Variants in CASR observed in about 807,000 individuals in gnomAD.
CASR encodes calcium sensing receptor.
Under a neutral mutation model 69.1 loss-of-function variants are expected in CASR, and 23 were observed. The observed-to-expected ratio is 0.33, with a 90% CI of 0.24 to 0.47. The LOEUF (loss-of-function observed/expected upper bound fraction) is 0.47, where lower values mean the gene tolerates loss of function less well. CASR is among the 20% of genes least tolerant of loss of function. The probability of loss-of-function intolerance (pLI) is 1.00; values close to 1 mark genes in which losing one functional copy is unlikely to be tolerated. For synonymous variants in CASR, 541 were observed against 544.7 expected (o/e 0.99, Z 0.10); for missense variants, 924 against 1,356.1 (o/e 0.68, Z 5.00).
chr3:122,225,776 A>T (rs2074216917), intron 1 of CASR, among the ~76,000 whole-genome samples: 1 of 152,234 alleles, frequency 6.6e-6, no homozygotes, highest in South Asian at 2.1e-4. Context: ...ATGCACTCAT[A>T]TGTTCATTGC....
intron 5 of CASR, among the ~76,000 whole-genome samples, chr3:122,281,177 T>C (rs1159856903): frequency 1.3e-5 from 2 of 152,158 alleles, no homozygotes; most frequent in Non-Finnish European, 2.9e-5. Context: ...GTTTTGTTTA[T>C]TTGTTTTGTT....
intron 4 of CASR, among the ~76,000 whole-genome samples, chr3:122,264,109 G>GA (rs35559285): frequency 0.63 from 92,075 of 145,636 alleles, 29,586 homozygotes; most frequent in Admixed American, 0.72. Flanking sequence ...GGACCTGTGA[G>GA]AAAAAAAAAA....
At chr3:122,229,571 A>G (rs2074260532) in intron 1 of CASR, among the ~76,000 whole-genome samples, 1 of 152,270 alleles carries the variant, frequency 6.6e-6, no homozygotes, top group South Asian at 2.1e-4. Flanking sequence ...ATTAGAAGTA[A>G]GAAGCCTCAG....
At chr3:122,244,418 A>C (rs2074407533) in intron 1 of CASR, among the ~76,000 whole-genome samples, 1 of 149,244 alleles carries the variant, frequency 6.7e-6, no homozygotes. Context: ...AACGTGTGGT[A>C]GAATCATAGG....
At chr3:122,204,364 T>C (rs1292337581) in intron 1 of CASR, among the ~76,000 whole-genome samples, 5 of 152,192 alleles carry the variant, frequency 3.3e-5, no homozygotes, top group Non-Finnish European at 1.5e-5. Flanking sequence ...TTTTACTTAC[T>C]ATAATGATCT....
At chr3:122,237,543 C>T (rs192849644) in intron 1 of CASR, among the ~76,000 whole-genome samples, 22 of 152,272 alleles carry the variant, frequency 1.4e-4, no homozygotes, top group Admixed American at 3.9e-4. Flanking sequence ...GACATATTCA[C>T]GCAGTGGAAT....
Position 122,290,741 on chromosome 3 carries a change from T to TA in CASR, c.*5551dup. The stretch of plus-strand genomic sequence containing the variant: ...AAATTTTTCTTTATTCTTTTTTTTT[T>TA]ATTATACTTTAAGTTTTAGGGTACA... On this transcript the variant is annotated 3_prime_UTR_variant, in exon 7 of 7. Coordinates refer to ENST00000639785, the MANE Select transcript of CASR (RefSeq NM_000388.4). The TA allele has an allele frequency of 6.6e-6, 1 of 152,236 alleles. No individual in the cohort carries two copies. The highest frequency in any genetic ancestry group is 1.9e-4 in the East Asian group (1 of 5,190). The allele number at this position is 152,236 out of a possible 1,614,324, so 9.4% of individuals were successfully genotyped here.
At chr3:122,185,491 G>A (rs2073769808) in intron 1 of CASR, among the ~76,000 whole-genome samples, 1 of 152,214 alleles carries the variant, frequency 6.6e-6, no homozygotes, top group South Asian at 2.1e-4. Context: ...GCACATTGGG[G>A]AAGAGTCCAT....
chr3:122,250,840 T>C (rs917725877), intron 1 of CASR, among the ~76,000 whole-genome samples: 3 of 152,242 alleles, frequency 2.0e-5, no homozygotes, highest in African/African-American at 4.8e-5. Context: ...AAGTTACTTT[T>C]TTTTTTCCAC....
At chr3:122,195,305 G>A (rs781636445) in intron 1 of CASR, among the ~76,000 whole-genome samples, 1 of 152,162 alleles carries the variant, frequency 6.6e-6, no homozygotes, top group Non-Finnish European at 1.5e-5. Flanking sequence ...AAAAGTGCTG[G>A]TTGTGTTTGT....
chr3:122,274,182 A>T (rs1576868858), intron 4 of CASR, among the ~76,000 whole-genome samples: 1 of 152,214 alleles, frequency 6.6e-6, no homozygotes, highest in East Asian at 1.9e-4. Flanking sequence ...TCCTTCATAG[A>T]CCTGAGTTGA....
intron 1 of CASR, among the ~76,000 whole-genome samples, chr3:122,212,704 C>T (rs902477884): frequency 1.5e-4 from 23 of 150,836 alleles, no homozygotes; most frequent in Non-Finnish European, 2.8e-4. Flanking sequence ...TGTAATGGCG[C>T]GATCTCGGCT....
intron 1 of CASR, among the ~76,000 whole-genome samples, chr3:122,188,204 A>G (rs2073805281): frequency 6.6e-6 from 1 of 152,356 alleles, no homozygotes; most frequent in East Asian, 1.9e-4. Context: ...CATTATAACC[A>G]TTTAGATAAT....
In CASR at chr3:122,267,675, A is replaced by T. The variant is rs184519786; in HGVS notation, c.1377+5263A>T. Among the ~76,000 whole-genome samples the T allele has an allele frequency of 3.4e-3, 516 of 152,364 alleles. 2 individuals carry two copies. Among genetic ancestry groups the T allele is most frequent in the Non-Finnish European group, 5.8e-3 (395 of 68,034 alleles). Reference sequence around the variant, plus strand: ...AGGTTGACTTTCAGGGACACCACAGAACCTTTTGGGAAGGTGGCAGTGGTA... The same window carrying T: ...AGGTTGACTTTCAGGGACACCACAGTACCTTTTGGGAAGGTGGCAGTGGTA... On this transcript the variant is annotated intron_variant, in intron 4 of 6. Coordinates refer to ENST00000639785, the MANE Select transcript of CASR (RefSeq NM_000388.4).
intron 1 of CASR, among the ~76,000 whole-genome samples, chr3:122,243,933 A>T (rs2074402868): frequency 6.6e-6 from 1 of 152,158 alleles, no homozygotes; most frequent in South Asian, 2.1e-4. Context: ...ACGAAGATGG[A>T]CTTTGCATGT....
chr3:122,253,496 G>C (rs1250360016), intron 1 of CASR, among the ~76,000 whole-genome samples: 1 of 152,180 alleles, frequency 6.6e-6, no homozygotes, highest in Non-Finnish European at 1.5e-5. Flanking sequence ...ACCTGCCTCA[G>C]CTCCCCATAG....
chr3:122,194,412 C>T (rs2073868557), intron 1 of CASR, among the ~76,000 whole-genome samples: 1 of 152,080 alleles, frequency 6.6e-6, no homozygotes, highest in South Asian at 2.1e-4. Flanking sequence ...CTGATTGCCT[C>T]CTTCACCCCC....
chr3:122,271,401 C>T (rs899061262), intron 4 of CASR, among the ~76,000 whole-genome samples: 10 of 152,180 alleles, frequency 6.6e-5, no homozygotes, highest in African/African-American at 1.7e-4. Flanking sequence ...GCCATCTCTT[C>T]CCTCCTGCCT....
At chr3:122,224,577 T>A (rs2074204342) in intron 1 of CASR, among the ~76,000 whole-genome samples, 1 of 152,200 alleles carries the variant, frequency 6.6e-6, no homozygotes. Flanking sequence ...TCCGTGCTCA[T>A]GGACAGGAAG....
Sources: gnomAD v4.1 joint callset for allele counts (sites outside exome capture counted in the v4.1 genomes callset) on GRCh38, gnomAD v4.1.1 for gene constraint, MANE v1.5 for transcripts, NCBI Gene and HGNC (gene_info 2026-07-23, HGNC 2026-07-21) for gene names.